Variants in ERCC2 observed in about 807,000 individuals in gnomAD.
ERCC2 encodes the protein general transcription and DNA repair factor IIH helicase subunit XPD.
Under a neutral mutation model 99.4 loss-of-function variants are expected in ERCC2, and 90 were observed. The observed-to-expected ratio is 0.91, with a 90% CI of 0.76 to 1.08. The LOEUF is 1.08. Among genes scored for constraint, ERCC2 ranks in the 50% least tolerant of loss-of-function variants. The pLI, the probability that ERCC2 is intolerant of heterozygous loss-of-function variation, is 0.00. For synonymous variants in ERCC2, 497 were observed against 432.4 expected (o/e 1.15, Z -1.85); for missense variants, 993 against 1,038.1 (o/e 0.96, Z 0.60).
chr19:45,352,968 TCTGTGCACCTAGG>T, intron 19 of ERCC2, 102 bp downstream of exon 19: 1 of 1,263,560 alleles, frequency 7.9e-7, no homozygotes, highest in East Asian at 2.3e-5. Flanking sequence ...GGAGGGCCCC[TCTGTGCACCTAGG>T]CTGGGGGTGG....
chr19:45,362,258 A>G (rs1437098376), intron 11 of ERCC2, among the ~76,000 whole-genome samples: 2 of 152,078 alleles, frequency 1.3e-5, no homozygotes, highest in African/African-American at 4.8e-5. Context: ...GAGACGCACA[A>G]TCACACCCAG....
intron 15 of ERCC2, 104 bp from the exon 16 acceptor site, chr19:45,355,832 T>A: frequency 3.6e-6 from 3 of 833,038 alleles, no homozygotes; most frequent in Non-Finnish European, 5.8e-6. Flanking sequence ...TTTTTTTTTT[T>A]TAAAGAGAGA....
chr19:45,352,896 G>T, intron 19 of ERCC2, 80 bp from the exon 20 acceptor site: 1 of 1,405,112 alleles, frequency 7.1e-7, no homozygotes, highest in Non-Finnish European at 1.0e-6. Flanking sequence ...GACCCAGGAT[G>T]CTGTGTCTGA....
In ERCC2 at chr19:45,368,987, A is replaced by AC; in HGVS notation, c.188_189insG (p.Tyr63Ter). Residue 63 changes from tyrosine to a stop codon, truncating the protein, a stop_gained and frameshift_variant, in exon 4 of 23, where the codon TAT becomes TAGT. Transcript: ENST00000391945. LOFTEE classifies it high-confidence loss of function. ...AGATGAGTTTGGTCACCTCCAGCGG[A>AC]TATGCCTGCCGATAACAAGCGGACT... ...LALIMAYQRA[Y>*]PLEVTKLIYC... 1.2e-6 allele frequency: 2 copies of AC among 1,614,168 alleles called. No homozygotes were observed. The highest frequency in any genetic ancestry group is 1.7e-6 in the Non-Finnish European group (2 of 1,180,022).
chr19:45,364,222 TC>T lies in ERCC2; in HGVS notation c.815+12del. On this transcript the variant is annotated intron_variant, in intron 9 of 22. Coordinates refer to ENST00000391945, the MANE Select transcript of ERCC2 (RefSeq NM_000400.4). ...GCAGGGCGGGCACCACCGCCAGACG[TC>T]CCCGGCCCCACCTGAGCACCGTCTT... The T allele has an allele frequency of 1.2e-6, 2 of 1,612,886 alleles. No homozygotes were observed. Among genetic ancestry groups the T allele is most frequent in the Non-Finnish European group, 1.7e-6 (2 of 1,179,554 alleles).
In ERCC2 at chr19:45,364,343, G is replaced by T; in HGVS notation, c.719-12C>A. The T allele has an allele frequency of 6.2e-7, 1 of 1,613,942 alleles. No individual in the cohort carries two copies. The highest frequency in any genetic ancestry group is 2.2e-5 in the East Asian group (1 of 44,868). On this transcript the variant is annotated splice_polypyrimidine_tract_variant and intron_variant, in intron 8 of 22. Transcript: ENST00000391945. ...GATGCAGACGTTGTCTGGAGAAGGGGGAGAGAGCCGGCTCAGGCAGGCCTG... is the reference window on the plus strand; with the variant it reads ...GATGCAGACGTTGTCTGGAGAAGGGTGAGAGAGCCGGCTCAGGCAGGCCTG...
chr19:45,350,878 C>A lies in ERCC2; in HGVS notation c.*751G>T, dbSNP rs966492535. ...CCCTGTGATACACACAGATCAAACC[C>A]TGTGCTGGAAAGGTCCCTCGTGGAG... On this transcript the variant is annotated 3_prime_UTR_variant, in exon 23 of 23. Transcript: ENST00000391945. The A allele has an allele frequency of 6.5e-7, 1 of 1,545,828 alleles. No individual in the cohort carries two copies. The highest frequency in any genetic ancestry group is 8.9e-7 in the Non-Finnish European group (1 of 1,119,806).
chr19:45,354,867 G>C lies in ERCC2; in HGVS notation c.1544-16C>G, dbSNP rs760657802. The C allele has an allele frequency of 6.2e-7, 1 of 1,613,704 alleles. No homozygotes were observed. The highest frequency in any genetic ancestry group is 8.5e-7 in the Non-Finnish European group (1 of 1,179,840). The stretch of plus-strand genomic sequence containing the variant: ...CGGATCACAGCTGCAAGGGGTCAGA[G>C]GTTGGGCCCTCTCCTGGCCCAGGTC... On this transcript the variant is annotated splice_polypyrimidine_tract_variant and intron_variant, in intron 16 of 22. Coordinates refer to ENST00000391945, the MANE Select transcript of ERCC2 (RefSeq NM_000400.4).
chr19:45,363,617 G>A (rs1972303606), intron 11 of ERCC2, 126 bp downstream of exon 11: 5 of 1,125,268 alleles, frequency 4.4e-6, no homozygotes, highest in Non-Finnish European at 6.2e-6. Flanking sequence ...AAGGTCCCAC[G>A]TGCCTCGCCC....
intron 11 of ERCC2, among the ~76,000 whole-genome samples, chr19:45,362,606 C>T (rs1972263879): frequency 1.3e-5 from 2 of 152,254 alleles, no homozygotes. Context: ...TAACCCCAGG[C>T]GCCTACCCCG....
intron 5 of ERCC2, among the ~76,000 whole-genome samples, chr19:45,367,066 C>T (rs1568544421): frequency 1.3e-5 from 2 of 151,882 alleles, no homozygotes; most frequent in African/African-American, 4.8e-5. Flanking sequence ...AGGCTGGGCA[C>T]GATGGCTCAT....
intron 12 of ERCC2, among the ~76,000 whole-genome samples, chr19:45,361,023 C>T (rs1374433776): frequency 2.6e-5 from 4 of 151,590 alleles, no homozygotes; most frequent in African/African-American, 4.9e-5. Context: ...CCCAGATACT[C>T]GGGAGGCTGA....
chr19:45,364,163 G>A (rs769481505), intron 9 of ERCC2, 44 bp from the exon 10 acceptor site: 2 of 1,611,604 alleles, frequency 1.2e-6, no homozygotes, highest in African/African-American at 2.7e-5. Context: ...TGGCAACCCT[G>A]GGGACAAGTC....
At chr19:45,358,878 T>A (rs950201746) in intron 12 of ERCC2, 1 of 780,796 alleles carries the variant, frequency 1.3e-6, no homozygotes, top group African/African-American at 1.7e-5. Flanking sequence ...GAGATCTTTT[T>A]TGGTTCCTGC....
rs202156896 is a variant in ERCC2 at position 45,369,097 on chromosome 19, C to T, written c.156G>A (p.Leu52=). The change falls in exon 3 of 23, where the codon CTG becomes CTA. Residue 52 remains leucine, a synonymous_variant. Coordinates refer to ENST00000391945, the MANE Select transcript of ERCC2 (RefSeq NM_000400.4). Reference sequence around the variant, plus strand: ...TCTGGTATGCCATGATCAGGGCCAACAGGGATACTGTCTTCCCGGTGCCTG... The same window carrying T: ...TCTGGTATGCCATGATCAGGGCCAATAGGGATACTGTCTTCCCGGTGCCTG... ...MPSGTGKTVS[L]LALIMAYQRA... 7.4e-5 allele frequency: 119 copies of T among 1,614,040 alleles called. No individual in the cohort carries two copies. The highest frequency in any genetic ancestry group is 1.3e-5 in the Non-Finnish European group (15 of 1,180,018).
chr19:45,360,675 G>T (rs1352471738), intron 12 of ERCC2, among the ~76,000 whole-genome samples: 1 of 23,808 alleles, frequency 4.2e-5, no homozygotes, highest in Admixed American at 2.9e-4. Flanking sequence ...ACCATGTCTG[G>T]CCCCAGCTAA....
At position 45,350,500 on chromosome 19, in the gene ERCC2, A is replaced by ATCTT. The variant is rs1568527324; in HGVS notation, c.*1125_*1128dup. 2.5e-6 allele frequency: 4 copies of ATCTT among 1,611,474 alleles called. No homozygotes were observed. Among genetic ancestry groups the ATCTT allele is most frequent in the East Asian group, 2.2e-5 (1 of 44,740 alleles). Reference sequence around the variant, plus strand: ...CTATGTCCCCATCTCAGTGTCCCCCATCTTTCCCCCTAGGTGCCCCCAACA... The same window carrying ATCTT: ...CTATGTCCCCATCTCAGTGTCCCCCATCTTTCTTTCCCCCTAGGTGCCCCCAACA... On this transcript the variant is annotated 3_prime_UTR_variant, in exon 23 of 23. Coordinates refer to ENST00000391945, the MANE Select transcript of ERCC2 (RefSeq NM_000400.4).
chr19:45,364,226 C>A lies in ERCC2; in HGVS notation c.815+9G>T, dbSNP rs769598679. The A allele has an allele frequency of 1.5e-5, 25 of 1,613,080 alleles. 3 individuals are homozygous for A. The South Asian group carries it at 2.7e-4, about 18-fold the overall frequency. Reference sequence around the variant, plus strand: ...GGCGGGCACCACCGCCAGACGTCCCCGGCCCCACCTGAGCACCGTCTTCTG... The same window carrying A: ...GGCGGGCACCACCGCCAGACGTCCCAGGCCCCACCTGAGCACCGTCTTCTG... On this transcript the variant is annotated intron_variant, in intron 9 of 22. Transcript: ENST00000391945.
intron 12 of ERCC2, among the ~76,000 whole-genome samples, chr19:45,359,388 G>A (rs1234835434): frequency 6.6e-6 from 1 of 152,168 alleles, no homozygotes; most frequent in Non-Finnish European, 1.5e-5. Flanking sequence ...CAGGGCAAGG[G>A]CCCAGATCTC....
Sources: allele counts gnomAD v4.1 joint callset (sites outside exome capture counted in the v4.1 genomes callset), GRCh38; gene constraint gnomAD v4.1.1; transcripts MANE v1.5; gene names NCBI Gene and HGNC (gene_info 2026-07-23, HGNC 2026-07-21).